The following RGS7BP variants were observed in gnomAD, a reference collection of about 807,000 sequenced individuals.
RGS7BP encodes the protein regulator of G protein signaling 7-binding protein.
In RGS7BP, 9 loss-of-function variants were observed where a neutral mutation model predicts 31.3. That is an observed-to-expected ratio of 0.29 (90% CI 0.17 to 0.50). The LOEUF is 0.50. Among genes scored for constraint, RGS7BP ranks in the 20% least tolerant of loss-of-function variants. The pLI is 0.98. For missense variants in RGS7BP, 274 were observed against 322.0 expected, an observed-to-expected ratio of 0.85 and a Z score of 1.14; for synonymous variants, 115 against 120.1, an observed-to-expected ratio of 0.96 and a Z score of 0.28.
intron 5 of RGS7BP, among the ~76,000 whole-genome samples, chr5:64,603,508 G>T (rs1255335534): frequency 6.6e-6 from 1 of 152,150 alleles, no homozygotes; most frequent in Non-Finnish European, 1.5e-5. Flanking sequence ...AAGAGTCCTG[G>T]AATACCAAAA....
At chr5:64,576,407 G>A (rs1742431040) in intron 3 of RGS7BP, among the ~76,000 whole-genome samples, 1 of 152,274 alleles carries the variant, frequency 6.6e-6, no homozygotes, top group Admixed American at 6.5e-5. Flanking sequence ...CCCTCCAGAG[G>A]TTAGTCATGG....
intron 2 of RGS7BP, 161 bp from the exon 3 acceptor site, chr5:64,575,613 T>A: frequency 7.7e-7 from 1 of 1,300,484 alleles, no homozygotes. Flanking sequence ...ACATAAGAAC[T>A]GTCACATTGG....
intron 2 of RGS7BP, among the ~76,000 whole-genome samples, chr5:64,512,843 A>G (rs1177887895): frequency 6.7e-6 from 1 of 148,526 alleles, no homozygotes; most frequent in Non-Finnish European, 1.5e-5. Context: ...GGAGATATGA[A>G]GATTCAAAAG....
intron 3 of RGS7BP, among the ~76,000 whole-genome samples, chr5:64,586,895 TAATGAAAGG>T (rs768252467): frequency 1.5e-5 from 2 of 132,078 alleles, no homozygotes; most frequent in Non-Finnish European, 3.3e-5. Flanking sequence ...GAAAAACATG[TAATGAAAGG>T]AATAAATCCA....
At chr5:64,544,903 G>A (rs546781067) in intron 2 of RGS7BP, among the ~76,000 whole-genome samples, 2 of 151,964 alleles carry the variant, frequency 1.3e-5, no homozygotes, top group Non-Finnish European at 2.9e-5. Flanking sequence ...TTGGCCGGGC[G>A]TGGTGGCTCA....
At chr5:64,598,800 T>C (rs1334489509) in intron 5 of RGS7BP, among the ~76,000 whole-genome samples, 1 of 152,200 alleles carries the variant, frequency 6.6e-6, no homozygotes, top group Admixed American at 6.5e-5. Context: ...TAACATATAT[T>C]GAGAACTTAC....
chr5:64,580,045 A>T (rs920637031), intron 3 of RGS7BP, among the ~76,000 whole-genome samples: 5 of 152,092 alleles, frequency 3.3e-5, no homozygotes, highest in African/African-American at 1.2e-4. Flanking sequence ...CAAGTATATG[A>T]CTCTTTGGGA....
intron 3 of RGS7BP, among the ~76,000 whole-genome samples, chr5:64,584,809 T>G (rs1175801223): frequency 5.9e-5 from 9 of 152,226 alleles, no homozygotes; most frequent in Admixed American, 5.9e-4. Flanking sequence ...ATTATTATTT[T>G]TTGCCATGTG....
At chr5:64,604,414 C>A (rs1219383959) in intron 5 of RGS7BP, among the ~76,000 whole-genome samples, 1 of 152,074 alleles carries the variant, frequency 6.6e-6, no homozygotes, top group Admixed American at 6.6e-5. Context: ...TATAGTTACT[C>A]AAGGAAAGAT....
At chr5:64,509,870 C>G (rs1272888169) in intron 2 of RGS7BP, among the ~76,000 whole-genome samples, 1 of 152,138 alleles carries the variant, frequency 6.6e-6, no homozygotes, top group African/African-American at 2.4e-5. Context: ...CACATTTCCC[C>G]CCTTACAATA....
Position 64,519,396 on chromosome 5 carries a change from G to A in RGS7BP, c.332+11519G>A, listed in dbSNP as rs377324807. Among the ~76,000 whole-genome samples the A allele has an allele frequency of 1.4e-4, 21 of 152,332 alleles. No individual in the cohort carries two copies. The East Asian group carries it at 1.9e-3, about 14-fold the overall frequency. On this transcript the variant is annotated intron_variant, in intron 2 of 5. Coordinates refer to ENST00000334025, the MANE Select transcript of RGS7BP (RefSeq NM_001029875.3). ...ATCACCCAGCATCTGTATAAAGATA[G>A]ACATTAAACAAATCATTGCAGAACA... is the stretch of plus-strand genomic sequence containing the variant.
chr5:64,567,880 T>TTATATATA (rs201339078), intron 2 of RGS7BP, among the ~76,000 whole-genome samples: 8,390 of 152,220 alleles, frequency 0.055, 337 homozygotes, highest in Non-Finnish European at 0.088. Context: ...CAAGTTGATT[T>TTATATATA]CTTTCCAGTA....
intron 2 of RGS7BP, among the ~76,000 whole-genome samples, chr5:64,575,337 A>G (rs185363673): frequency 4.7e-4 from 71 of 152,302 alleles, no homozygotes; most frequent in Non-Finnish European, 9.4e-4. Flanking sequence ...TTGCTCTCTA[A>G]TCACATTATA....
At chr5:64,606,492 A>G (rs1474732913) in intron 5 of RGS7BP, among the ~76,000 whole-genome samples, 1 of 152,082 alleles carries the variant, frequency 6.6e-6, no homozygotes, top group Non-Finnish European at 1.5e-5. Flanking sequence ...AAATATCTTC[A>G]TAGTTTTGGT....
intron 2 of RGS7BP, among the ~76,000 whole-genome samples, chr5:64,564,417 A>G (rs193097156): frequency 2.0e-5 from 3 of 152,234 alleles, no homozygotes; most frequent in East Asian, 3.9e-4. Flanking sequence ...TTATTTTGCT[A>G]TATTTCAAAT....
intron 5 of RGS7BP, chr5:64,601,304 G>A (rs1046422550): frequency 8.2e-5 from 16 of 195,174 alleles, no homozygotes; most frequent in Non-Finnish European, 1.3e-4. Flanking sequence ...GACTGAGTCC[G>A]CTATTCTCCA....
chr5:64,514,378 T>G (rs1337516525), intron 2 of RGS7BP, among the ~76,000 whole-genome samples: 1 of 152,216 alleles, frequency 6.6e-6, no homozygotes, highest in Admixed American at 6.5e-5. Flanking sequence ...TTCCTTGACC[T>G]ATCTGCAGCT....
At chr5:64,592,950 C>G (rs899539016) in intron 3 of RGS7BP, among the ~76,000 whole-genome samples, 6 of 152,230 alleles carry the variant, frequency 3.9e-5, no homozygotes, top group Non-Finnish European at 7.3e-5. Context: ...ACTTGCCACA[C>G]TCTGCCAAGA....
chr5:64,538,485 A>AT (rs199619865), intron 2 of RGS7BP, among the ~76,000 whole-genome samples: 1,332 of 56,994 alleles, frequency 0.023, 58 homozygotes, highest in African/African-American at 0.085. Context: ...GCATGTAGCC[A>AT]TTTTTTTTCC....
Sources: gnomAD v4.1 joint callset for allele counts (sites outside exome capture counted in the v4.1 genomes callset) on GRCh38, gnomAD v4.1.1 for gene constraint, MANE v1.5 for transcripts, NCBI Gene and HGNC (gene_info 2026-07-23, HGNC 2026-07-21) for gene names.